ZNF587: variants seen among roughly 807,000 people sequenced by gnomAD.
ZNF587 encodes zinc finger protein 587.
Under a neutral mutation model 7.5 loss-of-function variants are expected in ZNF587, and 8 were observed. The ratio of observed to expected loss-of-function variants is 1.06; its 90% CI spans 0.62 to 1.92. ZNF587 has a LOEUF of 1.92. Among genes scored for constraint, ZNF587 ranks in the 40% most tolerant of loss-of-function variants. The pLI is 0.00. For synonymous variants in ZNF587, 145 were observed against 237.8 expected (o/e 0.61, Z 3.59); for missense variants, 468 against 692.8 (o/e 0.68, Z 3.64).
chr19:57,850,670 T>TA, intron 1 of ZNF587: 1 of 398,094 alleles, frequency 2.5e-6, no homozygotes. Context: ...AGAGACAGAA[T>TA]ACGCATTTAA....
chr19:57,861,120 G>C lies in ZNF587; in HGVS notation c.*980G>C, dbSNP rs2071427367. 6.6e-6 allele frequency: 1 copy of C among 152,036 alleles called. No homozygotes were observed. 9.4% of individuals were successfully genotyped at this position (152,036 alleles called of 1,614,324 possible). A position where few individuals can be genotyped will look rare whatever the true frequency, so the allele number is the denominator to read the frequency against. On this transcript the variant is annotated 3_prime_UTR_variant, in exon 3 of 3. Transcript: ENST00000339656. Reference sequence around the variant, plus strand: ...GTGATCTGCCTGCCTCAGCTTCTCAGGTGTGACCTACTGTGCTTGGCCTAA... The same window carrying C: ...GTGATCTGCCTGCCTCAGCTTCTCACGTGTGACCTACTGTGCTTGGCCTAA...
In ZNF587 at chr19:57,849,880, A is replaced by T; in HGVS notation, c.-159A>T. 6.6e-7 allele frequency: 1 copy of T among 1,508,680 alleles called. No homozygotes were observed. The highest frequency in any genetic ancestry group is 8.9e-7 in the Non-Finnish European group (1 of 1,127,826). 93.5% of individuals were successfully genotyped at this position (1,508,680 alleles called of 1,614,324 possible). On this transcript the variant is annotated 5_prime_UTR_variant, in exon 1 of 3. It removes an upstream start codon present in the reference 5' UTR. Transcript: ENST00000339656. ...CTCTAGTAGCGGCTGTGTATCGGCG[A>T]TGCGGGTGTTTCCCCAGTTTGTGGC... is the stretch of plus-strand genomic sequence containing the variant.
At chr19:57,857,108 C>A (rs1465637242) in intron 2 of ZNF587, 1 of 151,992 alleles carries the variant, frequency 6.6e-6, no homozygotes, top group South Asian at 2.1e-4. Flanking sequence ...GTTACATCGT[C>A]GGGTCCTATG....
chr19:57,850,614 C>T (rs1600116506), intron 1 of ZNF587: 2 of 401,404 alleles, frequency 5.0e-6, no homozygotes, highest in East Asian at 3.6e-5. Flanking sequence ...CAGCCCCACA[C>T]CACCCAGCAG....
chr19:57,856,018 G>A (rs2071350833), intron 1 of ZNF587, 86 bp from the exon 2 acceptor site: 2 of 1,569,886 alleles, frequency 1.3e-6, no homozygotes, highest in South Asian at 1.2e-5. Flanking sequence ...TTGGGAGGAG[G>A]ATGGGCAAGG....
chr19:57,856,333 A>T, intron 2 of ZNF587, 100 bp downstream of exon 2: 1 of 1,504,300 alleles, frequency 6.6e-7, no homozygotes, highest in Non-Finnish European at 8.9e-7. Flanking sequence ...GCCTGGACAC[A>T]GGTTCCTTCT....
chr19:57,858,542 A>C, intron 2 of ZNF587, 34 bp from the exon 3 acceptor site: 1 of 1,597,138 alleles, frequency 6.3e-7, no homozygotes, highest in Admixed American at 1.7e-5. Context: ...CGCCGGAGGT[A>C]CTTTGCACTT....
intron 1 of ZNF587, chr19:57,851,708 G>T (rs550601958): frequency 6.6e-6 from 1 of 152,294 alleles, no homozygotes; most frequent in East Asian, 1.9e-4. Flanking sequence ...TTCATCATGA[G>T]GATTCTAGAA....
At chr19:57,858,471 A>G (rs2071394009) in intron 2 of ZNF587, 105 bp from the exon 3 acceptor site, 2 of 1,505,866 alleles carry the variant, frequency 1.3e-6, no homozygotes, top group Non-Finnish European at 1.8e-6. Flanking sequence ...GTTCCTGCAA[A>G]TATTTCTATA....
intron 1 of ZNF587, 69 bp downstream of exon 1, chr19:57,850,140 C>A (rs1028044232): frequency 8.7e-6 from 14 of 1,613,566 alleles, no homozygotes; most frequent in Non-Finnish European, 1.1e-5. Flanking sequence ...AGCGAGGGAG[C>A]GGCTCCTGCT....
rs973733895 is a variant in ZNF587 at position 57,861,853 on chromosome 19, A to G, written c.*1713A>G. On this transcript the variant is annotated 3_prime_UTR_variant, in exon 3 of 3. Transcript: ENST00000339656. ...AGTGGCATGATCTCGGCCCACTGCA[A>G]CCTCCACCTCCTGTGTTCAAGCGAT... The G allele has an allele frequency of 2.1e-5, 3 of 142,362 alleles. No individual in the cohort carries two copies. The highest frequency in any genetic ancestry group is 4.5e-5 in the Non-Finnish European group (3 of 66,602). The allele number at this position is 142,362 out of a possible 1,614,324, so 8.8% of individuals were successfully genotyped here. A position where few individuals can be genotyped will look rare whatever the true frequency, so the allele number is the denominator to read the frequency against.
intron 2 of ZNF587, chr19:57,857,073 C>A (rs570764059): frequency 6.6e-6 from 1 of 152,188 alleles, no homozygotes; most frequent in South Asian, 2.1e-4. Flanking sequence ...GTTGGCTGTT[C>A]ATCTCTGCTA....
chr19:57,852,094 G>C (rs10425570), intron 1 of ZNF587: 154,290 of 360,324 alleles, frequency 0.43, 35,158 homozygotes, highest in African/African-American at 0.63. Context: ...TGGTCCTGAC[G>C]CCATCTACAG....
intron 1 of ZNF587, chr19:57,855,895 A>AAATAT: frequency 2.4e-6 from 2 of 828,848 alleles, no homozygotes; most frequent in South Asian, 1.9e-5. Context: ...TCAGGACCTC[A>AAATAT]GCATGGATAC....
chr19:57,855,969 G>A (rs2071350168), intron 1 of ZNF587, 135 bp from the exon 2 acceptor site: 21 of 1,463,414 alleles, frequency 1.4e-5, no homozygotes, highest in East Asian at 2.4e-5. Context: ...AAGAGACAAA[G>A]GCACCAGTGG....
In ZNF587 at chr19:57,850,035, T is replaced by A; in HGVS notation, c.-4T>A. On this transcript the variant is annotated 5_prime_UTR_variant, in exon 1 of 3. Transcript: ENST00000339656. ...TCCCGGGCCGTGCTTCCCCAAGTAGTCCGATGGCAGCGGCTGTGCCGAGGC... is the reference window on the plus strand; with the variant it reads ...TCCCGGGCCGTGCTTCCCCAAGTAGACCGATGGCAGCGGCTGTGCCGAGGC... 6.2e-7 allele frequency: 1 copy of A among 1,614,204 alleles called. No individual in the cohort carries two copies. The highest frequency in any genetic ancestry group is 8.5e-7 in the Non-Finnish European group (1 of 1,180,038).
rs59253366 is a variant in ZNF587, at chr19:57,861,773, C to CTTTTTTTTTTTTTTTTTTT, written c.*1649_*1650insTTTTTTTTTTTTTTTTTTT. 2.3e-4 allele frequency: 27 copies of CTTTTTTTTTTTTTTTTTTT among 119,276 alleles called. 2 individuals are homozygous for CTTTTTTTTTTTTTTTTTTT. Among genetic ancestry groups the CTTTTTTTTTTTTTTTTTTT allele is most frequent in the African/African-American group, 8.5e-4 (25 of 29,302 alleles). 7.4% of individuals were successfully genotyped at this position (119,276 alleles called of 1,614,324 possible). On this transcript the variant is annotated 3_prime_UTR_variant, in exon 3 of 3. Coordinates refer to ENST00000339656, the MANE Select transcript of ZNF587 (RefSeq NM_032828.4). ...TTTGCTGCAAGGAATATTTGGTTTT[C>CTTTTTTTTTTTTTTTTTTT]TTTTTTTTTTTTTTTTCCAGATGGA... is the stretch of plus-strand genomic sequence containing the variant.
intron 1 of ZNF587, 144 bp downstream of exon 1, chr19:57,850,215 A>C (rs2071263772): frequency 6.7e-7 from 1 of 1,486,796 alleles, no homozygotes; most frequent in African/African-American, 1.4e-5. Flanking sequence ...CTCTCCTTGT[A>C]ACCGTCCAGT....
rs550928604 is a variant in ZNF587 at position 57,860,260 on chromosome 19, G to T, written c.*120G>T. 1 of 1,574,200 alleles carries T rather than the reference G, an allele frequency of 6.4e-7. No individual in the cohort carries two copies. The highest frequency in any genetic ancestry group is 8.7e-7 in the Non-Finnish European group (1 of 1,153,028). On this transcript the variant is annotated 3_prime_UTR_variant, in exon 3 of 3. Transcript: ENST00000339656. ...TGTGGAAAACATCAGAATGTCTGCT[G>T]TCCTCGGTCTTAAGCGACTTCGTGT...
Sources: allele counts gnomAD v4.1 joint callset, GRCh38; gene constraint gnomAD v4.1.1; transcripts MANE v1.5; gene names NCBI Gene and HGNC (gene_info 2026-07-23, HGNC 2026-07-21).